The following ZNF407 variants were observed in gnomAD, a reference collection of about 807,000 sequenced individuals.
ZNF407 encodes zinc finger protein 407.
A neutral mutation model predicts 131.2 loss-of-function variants in ZNF407; 17 were observed. The observed-to-expected ratio is 0.13, with a 90% CI of 0.09 to 0.19. The LOEUF (loss-of-function observed/expected upper bound fraction) is 0.19. ZNF407 is among the 10% of genes least tolerant of loss of function. ZNF407 has a pLI of 1.00. For missense variants in ZNF407, 2,681 were observed against 2,830.6 expected, an observed-to-expected ratio of 0.95 and a Z score of 1.20; for synonymous variants, 1,156 against 1,062.0, an observed-to-expected ratio of 1.09 and a Z score of -1.72.
chr18:74,642,646 G>T (rs1984777354), intron 3 of ZNF407, among the ~76,000 whole-genome samples: 1 of 152,128 alleles, frequency 6.6e-6, no homozygotes, highest in Non-Finnish European at 1.5e-5. Context: ...GGCATTAGTT[G>T]TATAATTTGA....
chr18:74,815,874 G>A (rs1970260834), intron 4 of ZNF407, among the ~76,000 whole-genome samples: 1 of 152,120 alleles, frequency 6.6e-6, no homozygotes, highest in South Asian at 2.1e-4. Flanking sequence ...ATACGCCTTT[G>A]ATTATGTTGC....
At position 74,755,536 on chromosome 18, in the gene ZNF407, T is replaced by TCTCTCTCCCTCCCTCC. The variant is rs1555684004; in HGVS notation, c.4803-25889_4803-25888insTCTCCCTCCCTCCCTC. 4.0e-5 allele frequency among the ~76,000 whole-genome samples: 4 copies of TCTCTCTCCCTCCCTCC among 99,184 alleles called. No homozygotes were observed. The South Asian group carries it at 1.3e-3, about 31-fold the overall frequency. The allele number at this position is 99,184 out of a possible 152,430, so 65.1% of individuals were successfully genotyped here. On this transcript the variant is annotated intron_variant, in intron 3 of 8. Transcript: ENST00000299687. ...TATTTCATTGATGTATCTTTCCCTC[T>TCTCTCTCCCTCCCTCC]CTCCCTCCCTCCCTTCCTTCTTCCT...
At chr18:74,881,210 T>C in intron 6 of ZNF407, 91 bp downstream of exon 6, 1 of 1,191,662 alleles carries the variant, frequency 8.4e-7, no homozygotes, top group South Asian at 1.4e-5. Flanking sequence ...TTACTTTCCT[T>C]TTTAATTTTT....
intron 8 of ZNF407, among the ~76,000 whole-genome samples, chr18:74,994,778 C>T (rs1282621017): frequency 1.3e-5 from 2 of 152,006 alleles, no homozygotes; most frequent in East Asian, 3.9e-4. Context: ...TGGAAAGGGC[C>T]GGGGAGGGCA....
intron 2 of ZNF407, among the ~76,000 whole-genome samples, chr18:74,636,904 C>T (rs1305502060): frequency 2.0e-5 from 3 of 152,144 alleles, no homozygotes; most frequent in South Asian, 2.1e-4. Context: ...CTTTCTGAAA[C>T]GATACAGTTT....
In ZNF407 at chr18:75,064,409, T is replaced by G; in HGVS notation, c.6688T>G (p.Ser2230Ala). The change falls in exon 9 of 9, where the codon TCC becomes GCC. Residue 2230 changes from serine to alanine, a missense_variant. Coordinates refer to ENST00000299687, the MANE Select transcript of ZNF407 (RefSeq NM_017757.3). Reference sequence around the variant, plus strand: ...CGTGGTCATCTACACCCAGGAGGGCTCCTCGGCCGCGGCGGCAATTCAGAG... The same window carrying G: ...CGTGGTCATCTACACCCAGGAGGGCGCCTCGGCCGCGGCGGCAATTCAGAG... ...ASVVIYTQEG[S>A]SAAAAIQSQR... 1.3e-6 allele frequency: 2 copies of G among 1,535,064 alleles called. No homozygotes were observed. Among genetic ancestry groups the G allele is most frequent in the Non-Finnish European group, 1.8e-6 (2 of 1,142,280 alleles).
intron 8 of ZNF407, chr18:74,921,121 C>T (rs901582464): frequency 1.3e-5 from 8 of 634,118 alleles, no homozygotes; most frequent in East Asian, 1.4e-4. Flanking sequence ...ATGTGACCTG[C>T]GACCACGACC....
At chr18:74,620,131 T>C (rs1199773776) in intron 1 of ZNF407, among the ~76,000 whole-genome samples, 2 of 152,218 alleles carry the variant, frequency 1.3e-5, no homozygotes, top group Non-Finnish European at 2.9e-5. Flanking sequence ...TTTATGTAAA[T>C]ATCTCTGACT....
At chr18:75,061,815 C>G (rs1331024380) in intron 8 of ZNF407, 1 of 152,708 alleles carries the variant, frequency 6.5e-6, no homozygotes, top group Non-Finnish European at 1.5e-5. Flanking sequence ...TGCTCACCCC[C>G]TCTTTTCTCT....
In ZNF407 at chr18:74,631,922, T is replaced by C. The variant is rs769026348; in HGVS notation, c.903T>C (p.Val301=). The change falls in exon 2 of 9, where the codon GTT becomes GTC. Residue 301 remains valine (V), a synonymous_variant. Transcript: ENST00000299687. ...CACGTACAATGGCAACAAAAAATGT[T>C]CACTCAAAACCAAGAACTTCTAAAT... ...KKSRTMATKN[V]HSKPRTSKSI... is the part of the protein sequence containing the mutation. The C allele has an allele frequency of 1.9e-6, 3 of 1,613,916 alleles. No homozygotes were observed. The highest frequency in any genetic ancestry group is 1.6e-4 in the Middle Eastern group (1 of 6,062).
chr18:74,954,387 G>A (rs1568281795), intron 8 of ZNF407, among the ~76,000 whole-genome samples: 1 of 152,032 alleles, frequency 6.6e-6, no homozygotes, highest in African/African-American at 2.4e-5. Flanking sequence ...ATAGCTATAT[G>A]ATTATGTCAA....
At chr18:74,653,720 A>C (rs776093183) in intron 3 of ZNF407, among the ~76,000 whole-genome samples, 3 of 151,848 alleles carry the variant, frequency 2.0e-5, no homozygotes, top group Non-Finnish European at 4.4e-5. Flanking sequence ...TGTTGGAAAA[A>C]AGCTCATGCT....
chr18:74,926,210 A>G (rs943923939), intron 8 of ZNF407, among the ~76,000 whole-genome samples: 1 of 152,168 alleles, frequency 6.6e-6, no homozygotes, highest in Non-Finnish European at 1.5e-5. Flanking sequence ...TGGTATTTTG[A>G]TAGCTGATGT....
intron 1 of ZNF407, among the ~76,000 whole-genome samples, chr18:74,617,607 C>T (rs913236636): frequency 6.6e-6 from 1 of 152,128 alleles, no homozygotes; most frequent in Non-Finnish European, 1.5e-5. Context: ...GTTTCCTCTT[C>T]ATTAGCTGGA....
intron 3 of ZNF407, among the ~76,000 whole-genome samples, chr18:74,746,307 C>A (rs951540690): frequency 2.0e-5 from 3 of 152,150 alleles, no homozygotes; most frequent in African/African-American, 7.2e-5. Flanking sequence ...TAGGACATTA[C>A]TGTACACTAC....
chr18:74,857,061 G>A (rs191125071), intron 4 of ZNF407, among the ~76,000 whole-genome samples: 57 of 152,262 alleles, frequency 3.7e-4, no homozygotes, highest in African/African-American at 1.3e-3. Context: ...ATTTAAGAAC[G>A]GGTAAAGATC....
chr18:74,863,661 G>A (rs1970969256), intron 4 of ZNF407, among the ~76,000 whole-genome samples: 1 of 152,120 alleles, frequency 6.6e-6, no homozygotes, highest in Non-Finnish European at 1.5e-5. Flanking sequence ...TCAGACTGCA[G>A]CGAATTAAAG....
At chr18:74,750,702 A>C (rs917043163) in intron 3 of ZNF407, among the ~76,000 whole-genome samples, 5 of 152,198 alleles carry the variant, frequency 3.3e-5, no homozygotes, top group Non-Finnish European at 7.3e-5. Context: ...TTGAGTGGAC[A>C]TAAATTTTCA....
In ZNF407 at chr18:75,063,616, A is replaced by G; in HGVS notation, c.5895A>G (p.Gln1965=). The G allele has an allele frequency of 6.3e-7, 1 of 1,582,440 alleles. No individual in the cohort carries two copies. Among genetic ancestry groups the G allele is most frequent in the Non-Finnish European group, 8.6e-7 (1 of 1,165,786 alleles). Residue 1965 remains glutamine (Q), a synonymous_variant, in exon 9 of 9, where the codon CAA becomes CAG. Coordinates refer to ENST00000299687, the MANE Select transcript of ZNF407 (RefSeq NM_017757.3). This position sits in a 1 kb window ranked among gnomAD's most constrained non-coding sequence, Gnocchi z 6.6. ...ESLSPGGAVI[Q]QVTKQEILNL... ...TCAGTCCAGGTGGCGCTGTGATACAACAGGTGACCAAGCAGGAGATTTTAA... is the reference window on the plus strand; with the variant it reads ...TCAGTCCAGGTGGCGCTGTGATACAGCAGGTGACCAAGCAGGAGATTTTAA...
Sources: allele counts gnomAD v4.1 joint callset (sites outside exome capture counted in the v4.1 genomes callset), GRCh38; gene constraint gnomAD v4.1.1; non-coding constraint Gnocchi (gnomAD v3.1); transcripts MANE v1.5; gene names NCBI Gene and HGNC (gene_info 2026-07-23, HGNC 2026-07-21).